WWOX: variants seen among roughly 807,000 people sequenced by gnomAD.
The protein encoded by WWOX is WW domain containing oxidoreductase, also known as WW domain-containing oxidoreductase.
A neutral mutation model predicts 46.2 loss-of-function variants in WWOX; 69 were observed. That is an observed-to-expected ratio of 1.49 (90% CI 1.23 to 1.82). The LOEUF (loss-of-function observed/expected upper bound fraction) is 1.82, where lower values mean the gene tolerates loss of function less well. WWOX is among the 40% of genes most tolerant of loss of function. The pLI, the probability that WWOX is intolerant of heterozygous loss-of-function variation, is 0.00. For synonymous variants in WWOX, 359 were observed against 202.6 expected, an observed-to-expected ratio of 1.77 and a Z score of -6.56; for missense variants, 919 against 542.6, an observed-to-expected ratio of 1.69 and a Z score of -6.89.
intron 8 of WWOX, among the ~76,000 whole-genome samples, chr16:78,888,762 A>C (rs1027965854): frequency 2.6e-5 from 4 of 152,166 alleles, no homozygotes; most frequent in South Asian, 2.1e-4. Context: ...GCCCAGGGTT[A>C]GTTCTATGAC....
intron 8 of WWOX, among the ~76,000 whole-genome samples, chr16:78,471,811 C>T (rs1462563484): frequency 6.6e-6 from 1 of 152,092 alleles, no homozygotes; most frequent in South Asian, 2.1e-4. Flanking sequence ...GGAGTGGTGT[C>T]ATATCATGAA....
At chr16:78,266,646 T>G (rs1038765913) in intron 5 of WWOX, among the ~76,000 whole-genome samples, 1 of 152,152 alleles carries the variant, frequency 6.6e-6, no homozygotes, top group Non-Finnish European at 1.5e-5. Context: ...CAACCTCAGA[T>G]TCCTCATCAA....
At chr16:78,557,841 A>G (rs944453147) in intron 8 of WWOX, among the ~76,000 whole-genome samples, 2 of 151,584 alleles carry the variant, frequency 1.3e-5, no homozygotes, top group African/African-American at 4.9e-5. Context: ...GATTATAGTC[A>G]CCTACCACCA....
intron 8 of WWOX, among the ~76,000 whole-genome samples, chr16:78,913,576 G>T (rs2045167977): frequency 6.6e-6 from 1 of 152,034 alleles, no homozygotes; most frequent in Non-Finnish European, 1.5e-5. Flanking sequence ...TACAGAACTA[G>T]TTTTGGACTT....
intron 8 of WWOX, among the ~76,000 whole-genome samples, chr16:78,731,754 C>G (rs373034662): frequency 1.3e-5 from 2 of 152,006 alleles, no homozygotes; most frequent in African/African-American, 2.4e-5. Context: ...GCAGTAGTTC[C>G]CTGTCATGAA....
At chr16:78,129,012 C>G (rs1307288482) in intron 4 of WWOX, among the ~76,000 whole-genome samples, 1 of 151,934 alleles carries the variant, frequency 6.6e-6, no homozygotes, top group African/African-American at 2.4e-5. Context: ...GTAGAGAGCT[C>G]TGTAGTAGAT....
intron 5 of WWOX, among the ~76,000 whole-genome samples, chr16:78,234,555 A>G (rs2037375535): frequency 6.6e-6 from 1 of 152,190 alleles, no homozygotes; most frequent in African/African-American, 2.4e-5. Flanking sequence ...GAAAAAGGGT[A>G]ATCTTTAGAA....
intron 5 of WWOX, among the ~76,000 whole-genome samples, chr16:78,306,263 C>T (rs867169845): frequency 1.3e-5 from 2 of 152,108 alleles, no homozygotes; most frequent in African/African-American, 4.8e-5. Context: ...TTCATGATAC[C>T]TCTGGATAAT....
At chr16:78,946,230 G>A (rs557764154) in intron 8 of WWOX, among the ~76,000 whole-genome samples, 7 of 152,030 alleles carry the variant, frequency 4.6e-5, no homozygotes, top group East Asian at 1.9e-4. Flanking sequence ...TTGCTCTGTC[G>A]CCCAGGATGG....
chr16:78,719,752 T>G (rs1032471350), intron 8 of WWOX, among the ~76,000 whole-genome samples: 1 of 152,196 alleles, frequency 6.6e-6, no homozygotes, highest in Admixed American at 6.5e-5. Context: ...AACTTTAAGC[T>G]TCATCAAGTT....
At chr16:78,486,651 T>G (rs1162798465) in intron 8 of WWOX, among the ~76,000 whole-genome samples, 3 of 152,146 alleles carry the variant, frequency 2.0e-5, no homozygotes, top group Non-Finnish European at 4.4e-5. Context: ...CTCCGCTCAC[T>G]GCAGCCTCTG....
chr16:78,567,070 G>T (rs36040827), intron 8 of WWOX, among the ~76,000 whole-genome samples: 24,341 of 152,094 alleles, frequency 0.16, 2,340 homozygotes, highest in African/African-American at 0.27. Context: ...TAAGTGATAG[G>T]TGTATTCATC....
At position 78,521,765 on chromosome 16, in the gene WWOX, C is replaced by G. The variant is rs1442276090; in HGVS notation, c.1056+89013C>G. On this transcript the variant is annotated intron_variant, in intron 8 of 8. Transcript: ENST00000566780. ...AAAATATTAGGTAGTATTTAGTCAACACTTTAACACATAACTTGTTTTTTT... is the reference window on the plus strand; with the variant it reads ...AAAATATTAGGTAGTATTTAGTCAAGACTTTAACACATAACTTGTTTTTTT... Among the ~76,000 whole-genome samples, 4 of 146,170 alleles carry G rather than the reference C, an allele frequency of 2.7e-5. 1 individual carries two copies. Among genetic ancestry groups the G allele is most frequent in the Non-Finnish European group, 6.0e-5 (4 of 67,134 alleles).
intron 5 of WWOX, among the ~76,000 whole-genome samples, chr16:78,382,295 C>T (rs780884639): frequency 6.6e-6 from 1 of 152,192 alleles, no homozygotes; most frequent in East Asian, 1.9e-4. Context: ...ACACCAGTCA[C>T]TATTAAGTGG....
chr16:79,011,389 C>G (rs188188753), intron 8 of WWOX, among the ~76,000 whole-genome samples: 14 of 151,890 alleles, frequency 9.2e-5, no homozygotes, highest in African/African-American at 3.4e-4. Context: ...TGTTGGTGTT[C>G]GATCTGGAAT....
Position 78,801,472 on chromosome 16 carries a change from G to A in WWOX, c.1056+368720G>A, listed in dbSNP as rs556402820. Among the ~76,000 whole-genome samples, 4 of 152,186 alleles carry A rather than the reference G, an allele frequency of 2.6e-5. No homozygotes were observed. The South Asian group carries it at 6.2e-4, about 24-fold the overall frequency. ...TGCAGTAAGCTGATATCATGTCACC[G>A]CACTCCAACCTGGGTGACAAGGCTA... On this transcript the variant is annotated intron_variant, in intron 8 of 8. Coordinates refer to ENST00000566780, the MANE Select transcript of WWOX (RefSeq NM_016373.4).
At chr16:78,625,852 T>A (rs2046299536) in intron 8 of WWOX, among the ~76,000 whole-genome samples, 1 of 148,176 alleles carries the variant, frequency 6.7e-6, no homozygotes, top group Non-Finnish European at 1.5e-5. Context: ...TGCCGTTACT[T>A]AAAATTGCAT....
chr16:78,609,280 G>A (rs575983638), intron 8 of WWOX, among the ~76,000 whole-genome samples: 4 of 152,002 alleles, frequency 2.6e-5, no homozygotes, highest in African/African-American at 7.2e-5. Flanking sequence ...TTTTTGTTCT[G>A]GTTTTTGTTT....
At chr16:78,745,645 A>T (rs1187587585) in intron 8 of WWOX, among the ~76,000 whole-genome samples, 2 of 151,190 alleles carry the variant, frequency 1.3e-5, no homozygotes, top group Non-Finnish European at 2.9e-5. Flanking sequence ...GAAACATTAA[A>T]CATTTTACAG....
Sources: gnomAD v4.1 joint callset for allele counts (sites outside exome capture counted in the v4.1 genomes callset) on GRCh38, gnomAD v4.1.1 for gene constraint, MANE v1.5 for transcripts, NCBI Gene and HGNC (gene_info 2026-07-23, HGNC 2026-07-21) for gene names.